DPYSL2: variants seen among roughly 807,000 people sequenced by gnomAD.
DPYSL2 encodes dihydropyrimidinase like 2, also known as dihydropyrimidinase-related protein 2.
In DPYSL2, 13 loss-of-function variants were observed where a neutral mutation model predicts 69.9. The observed-to-expected ratio is 0.19, with a 90% CI of 0.12 to 0.30. The LOEUF is 0.30. Ranked by LOEUF, DPYSL2 falls within the 10% of genes least tolerant of loss-of-function variation. The pLI is 1.00. For missense variants in DPYSL2, 587 were observed against 918.9 expected, an observed-to-expected ratio of 0.64 and a Z score of 4.67; for synonymous variants, 326 against 359.1, an observed-to-expected ratio of 0.91 and a Z score of 1.04.
intron 1 of DPYSL2, among the ~76,000 whole-genome samples, chr8:26,530,831 C>T (rs1045126663): frequency 6.6e-6 from 1 of 152,138 alleles, no homozygotes; most frequent in South Asian, 2.1e-4. Flanking sequence ...GATCTGCTAC[C>T]TCCTTTGCAA....
In DPYSL2 at chr8:26,579,864, GGC is replaced by G. The variant is rs1585521399; in HGVS notation, c.355-2104_355-2103del. Among the ~76,000 whole-genome samples, 3 of 150,264 alleles carry G rather than the reference GGC, an allele frequency of 2.0e-5. No individual in the cohort carries two copies. The East Asian group carries it at 5.9e-4, about 29-fold the overall frequency. ...ATTTGCTGTCTTCGTGAATGAACAA[GGC>G]AGCTTCATTTTGACAGTGTGGGGAG... On this transcript the variant is annotated intron_variant, in intron 1 of 13. Transcript: ENST00000521913.
intron 3 of DPYSL2, among the ~76,000 whole-genome samples, chr8:26,622,452 G>GTGTGTGTGTGTGTGTGTGTATA (rs1802515466): frequency 2.0e-5 from 2 of 101,866 alleles, no homozygotes; most frequent in Non-Finnish European, 4.1e-5. Flanking sequence ...TATTGTATGT[G>GTGTGTGTGTGTGTGTGTGTATA]TGTGTGTGTG....
chr8:26,522,555 T>A (rs58525688), intron 1 of DPYSL2, among the ~76,000 whole-genome samples: 2,902 of 152,320 alleles, frequency 0.019, 79 homozygotes, highest in African/African-American at 0.064. Flanking sequence ...TGGGTGGGAA[T>A]TGGTATCTCA....
intron 1 of DPYSL2, among the ~76,000 whole-genome samples, chr8:26,556,003 A>G (rs1184526907): frequency 1.0e-5 from 1 of 98,124 alleles, no homozygotes; most frequent in African/African-American, 4.4e-5. Context: ...AATATATAGT[A>G]TATATTATAT....
chr8:26,652,604 G>A lies in DPYSL2; in HGVS notation c.1776+168G>A, dbSNP rs1343416802. Among the ~76,000 whole-genome samples the A allele has an allele frequency of 2.6e-5, 4 of 152,134 alleles. No individual in the cohort carries two copies. The highest frequency in any genetic ancestry group is 9.7e-5 in the African/African-American group (4 of 41,418). ...CCTGGCATTTAAAATACTGGAGAAG[G>A]AGTCAGTCGTGTCCACAGAGAGCCC... is the stretch of plus-strand genomic sequence containing the variant. On this transcript the variant is annotated intron_variant, in intron 12 of 13. Transcript: ENST00000521913. The surrounding 1 kb of genome is among the most constrained non-coding windows in gnomAD (Gnocchi z 6.3).
chr8:26,529,279 CT>C (rs59273890), intron 1 of DPYSL2, among the ~76,000 whole-genome samples: 6,192 of 77,150 alleles, frequency 0.08, 262 homozygotes, highest in African/African-American at 0.15. Context: ...TATCTATCAT[CT>C]ATCTATCTAT....
intron 1 of DPYSL2, among the ~76,000 whole-genome samples, chr8:26,575,118 C>G (rs779250950): frequency 2.6e-5 from 4 of 152,122 alleles, no homozygotes; most frequent in African/African-American, 7.2e-5. Flanking sequence ...ATTTTTAGTG[C>G]AGACGGGGTT....
chr8:26,514,751 G>A lies in DPYSL2; in HGVS notation c.354+72G>A. The A allele has an allele frequency of 7.7e-7, 1 of 1,300,628 alleles. No homozygotes were observed. The highest frequency in any genetic ancestry group is 9.9e-7 in the Non-Finnish European group (1 of 1,006,732). The allele number at this position is 1,300,628 out of a possible 1,614,324, so 80.6% of individuals were successfully genotyped here. On this transcript the variant is annotated intron_variant, in intron 1 of 13. Coordinates refer to ENST00000521913, the MANE Select transcript of DPYSL2 (RefSeq NM_001197293.3). This position sits in a 1 kb window ranked among gnomAD's most constrained non-coding sequence, Gnocchi z 8.4. ...TCGCCCCTCCCTCGCCCCTGAGCCC[G>A]GCGCGCCCGCCTTCATGCCCCGCCC... is the stretch of plus-strand genomic sequence containing the variant.
chr8:26,579,659 T>C (rs2584185), intron 1 of DPYSL2, among the ~76,000 whole-genome samples: 40,474 of 152,002 alleles, frequency 0.27, 5,487 homozygotes, highest in South Asian at 0.38. Flanking sequence ...GGGCGTGTGC[T>C]CGGAGGATTT....
chr8:26,607,476 C>CT (rs1380602145), intron 3 of DPYSL2, among the ~76,000 whole-genome samples: 7 of 125,600 alleles, frequency 5.6e-5, no homozygotes, highest in Non-Finnish European at 9.7e-5. Flanking sequence ...GAGTGAGACT[C>CT]TGTCTCAAAA....
rs1801889210 is a variant in DPYSL2, at chr8:26,597,509, C to G, written c.628+13526C>G. ...TTTTTTTTGGATACAGAGTCTCCCTCCGTTGCCTAGGCTGGAATGCAGTGG... is the reference window on the plus strand; with the variant it reads ...TTTTTTTTGGATACAGAGTCTCCCTGCGTTGCCTAGGCTGGAATGCAGTGG... On this transcript the variant is annotated intron_variant, in intron 3 of 13. Transcript: ENST00000521913. The surrounding 1 kb of genome is among the most constrained non-coding windows in gnomAD (Gnocchi z 5.2). 6.6e-6 allele frequency among the ~76,000 whole-genome samples: 1 copy of G among 152,076 alleles called. No homozygotes were observed. Among genetic ancestry groups the G allele is most frequent in the Admixed American group, 6.5e-5 (1 of 15,270 alleles).
intron 1 of DPYSL2, among the ~76,000 whole-genome samples, chr8:26,537,416 C>T (rs147876151): frequency 1.4e-4 from 21 of 152,134 alleles, no homozygotes; most frequent in African/African-American, 2.2e-4. Context: ...CTACCTATAA[C>T]GTTTGCTATT....
At chr8:26,553,194 T>A (rs28845194) in intron 1 of DPYSL2, among the ~76,000 whole-genome samples, 106,080 of 152,062 alleles carry the variant, frequency 0.7, 37,512 homozygotes, top group East Asian at 0.95. Flanking sequence ...AGGCCCAGAT[T>A]CATTCACTGG....
rs1379884783 is a variant in DPYSL2 at position 26,516,180 on chromosome 8, A to G, written c.354+1501A>G. On this transcript the variant is annotated intron_variant, in intron 1 of 13. Transcript: ENST00000521913. This position sits in a 1 kb window ranked among gnomAD's most constrained non-coding sequence, Gnocchi z 4.8. ...TTATTCATATAAGGGAGTGTCTCAT[A>G]TCCATATTTCACTATGAGTCAACCA... Among the ~76,000 whole-genome samples, 5 of 152,238 alleles carry G rather than the reference A, an allele frequency of 3.3e-5. No individual in the cohort carries two copies. Among genetic ancestry groups the G allele is most frequent in the African/African-American group, 1.2e-4 (5 of 41,458 alleles).
chr8:26,638,821 C>A (rs1287212751), intron 8 of DPYSL2, among the ~76,000 whole-genome samples: 1 of 152,234 alleles, frequency 6.6e-6, no homozygotes, highest in African/African-American at 2.4e-5. Flanking sequence ...AACCATGATT[C>A]CAGGCTCCTG....
rs1490448603 is a variant in DPYSL2 at position 26,622,140 on chromosome 8, T to C, written c.629-2003T>C. The stretch of plus-strand genomic sequence containing the variant: ...TTCCTTCCTTCCTTCCTTCCTTCCT[T>C]CCTTCCTTCCTTCCTTCCCTCTCTC... On this transcript the variant is annotated intron_variant, in intron 3 of 13. Transcript: ENST00000521913. 1.6e-3 allele frequency among the ~76,000 whole-genome samples: 89 copies of C among 55,622 alleles called. 4 individuals are homozygous for C. The highest frequency in any genetic ancestry group is 1.2e-3 in the Non-Finnish European group (27 of 22,874). 36.5% of individuals were successfully genotyped at this position (55,622 alleles called of 152,430 possible).
In DPYSL2 at chr8:26,642,562, G is replaced by A. The variant is rs367936468; in HGVS notation, c.1127-877G>A. Among the ~76,000 whole-genome samples the A allele has an allele frequency of 3.9e-5, 6 of 152,308 alleles. No individual in the cohort carries two copies. The highest frequency in any genetic ancestry group is 4.1e-4 in the South Asian group (2 of 4,824). On this transcript the variant is annotated intron_variant, in intron 8 of 13. Transcript: ENST00000521913. This position sits in a 1 kb window ranked among gnomAD's most constrained non-coding sequence, Gnocchi z 5.3. ...ACGTAAATCTAAGGTCCAATTGGGAGGCTCTGTTGGAATGAGCTGGCGAGA... is the reference window on the plus strand; with the variant it reads ...ACGTAAATCTAAGGTCCAATTGGGAAGCTCTGTTGGAATGAGCTGGCGAGA...
intron 3 of DPYSL2, among the ~76,000 whole-genome samples, chr8:26,611,936 G>A (rs1218743325): frequency 6.6e-6 from 1 of 152,196 alleles, no homozygotes; most frequent in African/African-American, 2.4e-5. Context: ...AGGCAGCCTG[G>A]GCTGGGAATC....
intron 3 of DPYSL2, among the ~76,000 whole-genome samples, chr8:26,622,784 G>A (rs1353395286): frequency 2.6e-5 from 4 of 152,122 alleles, no homozygotes; most frequent in African/African-American, 7.2e-5. Flanking sequence ...CTATATTTCT[G>A]ACATATACAA....
Sources: allele counts gnomAD v4.1 joint callset (sites outside exome capture counted in the v4.1 genomes callset), GRCh38; gene constraint gnomAD v4.1.1; non-coding constraint Gnocchi (gnomAD v3.1); transcripts MANE v1.5; gene names NCBI Gene and HGNC (gene_info 2026-07-23, HGNC 2026-07-21).